The following TSHZ1 variants were observed in gnomAD, a reference collection of about 807,000 sequenced individuals.
TSHZ1 encodes teashirt zinc finger homeobox 1, also known as teashirt homolog 1.
TSHZ1 carries 12 observed loss-of-function variants against 67.1 expected under a neutral mutation model. The ratio of observed to expected loss-of-function variants is 0.18; its 90% CI spans 0.11 to 0.29. The LOEUF (loss-of-function observed/expected upper bound fraction) is 0.29, where lower values mean the gene tolerates loss of function less well. Among genes scored for constraint, TSHZ1 ranks in the 10% least tolerant of loss-of-function variants. The pLI is 1.00. For missense variants in TSHZ1, 1,305 were observed against 1,413.9 expected, an observed-to-expected ratio of 0.92 and a Z score of 1.23; for synonymous variants, 632 against 622.4, an observed-to-expected ratio of 1.02 and a Z score of -0.23.
At chr18:75,279,942 G>T (rs1281941998) in intron 1 of TSHZ1, among the ~76,000 whole-genome samples, 1 of 152,090 alleles carries the variant, frequency 6.6e-6, no homozygotes, top group African/African-American at 2.4e-5. Context: ...TGAAAATATT[G>T]AAGATTTCAA....
Position 75,287,270 on chromosome 18 carries a change from G to C in TSHZ1, c.1863G>C (p.Leu621=), listed in dbSNP as rs780496547. 1 of 1,613,980 alleles carries C rather than the reference G, an allele frequency of 6.2e-7. No individual in the cohort carries two copies. The highest frequency in any genetic ancestry group is 2.2e-5 in the East Asian group (1 of 44,830). The change falls in exon 2 of 2, where the codon CTG becomes CTC. Residue 621 remains leucine (L), a synonymous_variant. Transcript: ENST00000580243. The surrounding 1 kb of genome is among the most constrained non-coding windows in gnomAD (Gnocchi z 5.0). The stretch of plus-strand genomic sequence containing the variant: ...CTTCCGCCGAGCACAACGCCCTCCT[G>C]CACTCCCCAGGGAGCCTCACGCCCC... The part of the protein sequence containing the change: ...SLSSAEHNAL[L]HSPGSLTPPP...
At chr18:75,225,859 G>A (rs954193606) in intron 1 of TSHZ1, among the ~76,000 whole-genome samples, 1 of 152,114 alleles carries the variant, frequency 6.6e-6, no homozygotes, top group African/African-American at 2.4e-5. Flanking sequence ...GCTTAGAACG[G>A]AGCCAAAAGA....
chr18:75,271,606 G>A (rs2023558128), intron 1 of TSHZ1, among the ~76,000 whole-genome samples: 1 of 152,134 alleles, frequency 6.6e-6, no homozygotes, highest in Non-Finnish European at 1.5e-5. Context: ...TATCTGAAGT[G>A]ACAGCCATCT....
chr18:75,273,063 G>A (rs1460305070), intron 1 of TSHZ1, among the ~76,000 whole-genome samples: 4 of 152,154 alleles, frequency 2.6e-5, no homozygotes, highest in African/African-American at 4.8e-5. Flanking sequence ...GTGCGTGTGG[G>A]TATTTGGGGT....
intron 1 of TSHZ1, among the ~76,000 whole-genome samples, chr18:75,269,425 G>C (rs1410859454): frequency 1.3e-5 from 2 of 151,982 alleles, no homozygotes; most frequent in Non-Finnish European, 2.9e-5. Flanking sequence ...TACCTCCCCT[G>C]TGCTATGATT....
At chr18:75,243,200 G>A (rs9949030) in intron 1 of TSHZ1, among the ~76,000 whole-genome samples, 1 of 152,190 alleles carries the variant, frequency 6.6e-6, no homozygotes, top group South Asian at 2.1e-4. Flanking sequence ...TTAACTCTTC[G>A]TGGACTTTTG....
At position 75,211,629 on chromosome 18, in the gene TSHZ1, C is replaced by T. The variant is rs1172050962; in HGVS notation, c.-248C>T. On this transcript the variant is annotated 5_prime_UTR_variant, in exon 1 of 2. Coordinates refer to ENST00000580243, the MANE Select transcript of TSHZ1 (RefSeq NM_001308210.2). ...GGGCTCGGCGCCCAGGCCCCGCGCG[C>T]TCCGCCCGCAGCCCGGCGCCGGGAA... 1 of 67,334 alleles carries T rather than the reference C, an allele frequency of 1.5e-5. No individual in the cohort carries two copies. Among genetic ancestry groups the T allele is most frequent in the African/African-American group, 6.2e-5 (1 of 16,196 alleles). The allele number at this position is 67,334 out of a possible 1,614,324, so 4.2% of individuals were successfully genotyped here. A position where few individuals can be genotyped will look rare whatever the true frequency, so the allele number is the denominator to read the frequency against.
In TSHZ1 at chr18:75,288,452, G is replaced by GA; in HGVS notation, c.3048dup (p.Val1017SerfsTer24). On this transcript the variant is annotated frameshift_variant, in exon 2 of 2. Coordinates refer to ENST00000580243, the MANE Select transcript of TSHZ1 (RefSeq NM_001308210.2). LOFTEE classifies it high-confidence loss of function. This position sits in a 1 kb window ranked among gnomAD's most constrained non-coding sequence, Gnocchi z 4.9. ...AGATTCAAGAACAGCAGAATGTTTC[G>GA]AAAGTCCTCACCAACAAAACTCTGG... 6.2e-7 allele frequency: 1 copy of GA among 1,614,134 alleles called. No individual in the cohort carries two copies. Among genetic ancestry groups the GA allele is most frequent in the Non-Finnish European group, 8.5e-7 (1 of 1,180,024 alleles).
intron 1 of TSHZ1, among the ~76,000 whole-genome samples, chr18:75,250,289 C>T (rs1368834602): frequency 1.3e-5 from 2 of 152,208 alleles, no homozygotes; most frequent in African/African-American, 4.8e-5. Context: ...GGTACTCTCC[C>T]AGCCTCCACG....
chr18:75,267,343 C>T, intron 1 of TSHZ1, among the ~76,000 whole-genome samples: 1 of 152,146 alleles, frequency 6.6e-6, no homozygotes. Context: ...CACCCATAGA[C>T]CGTGGAGTCA....
In TSHZ1 at chr18:75,211,882, G is replaced by A; in HGVS notation, c.6G>A (p.Pro2=). 1 of 1,193,578 alleles carries A rather than the reference G, an allele frequency of 8.4e-7. No individual in the cohort carries two copies. The highest frequency in any genetic ancestry group is 1.0e-6 in the Non-Finnish European group (1 of 963,370). The allele number at this position is 1,193,578 out of a possible 1,614,324, so 73.9% of individuals were successfully genotyped here. ...GGCTGCGGCGGCCGAGCAGCATGCCGAGGAGGAAGCAGCAGGCCCCCCGGC... is the reference window on the plus strand; with the variant it reads ...GGCTGCGGCGGCCGAGCAGCATGCCAAGGAGGAAGCAGCAGGCCCCCCGGC... The part of the protein sequence containing the change: M[P]RRKQQAPRRS... The change falls in exon 1 of 2, where the codon CCG becomes CCA. Residue 2 remains proline, a synonymous_variant. Transcript: ENST00000580243.
At chr18:75,222,779 C>T (rs999066383) in intron 1 of TSHZ1, among the ~76,000 whole-genome samples, 20 of 152,144 alleles carry the variant, frequency 1.3e-4, no homozygotes, top group Admixed American at 5.9e-4. Flanking sequence ...TGCCCGTGTA[C>T]GTGGTAACCT....
chr18:75,232,329 C>G (rs1276806268), intron 1 of TSHZ1, among the ~76,000 whole-genome samples: 1 of 152,112 alleles, frequency 6.6e-6, no homozygotes, highest in Admixed American at 6.5e-5. Flanking sequence ...ACCAATAAAG[C>G]CAAATTTTAG....
intron 1 of TSHZ1, among the ~76,000 whole-genome samples, chr18:75,232,115 G>A (rs1279914497): frequency 6.6e-6 from 1 of 150,856 alleles, no homozygotes; most frequent in African/African-American, 2.4e-5. Context: ...GTTTCTCCAT[G>A]TTTGTCAGGC....
chr18:75,214,513 CCTGA>C (rs2122509200), intron 1 of TSHZ1, among the ~76,000 whole-genome samples: 1 of 152,280 alleles, frequency 6.6e-6, no homozygotes, highest in East Asian at 1.9e-4. Context: ...ATTATAACAT[CCTGA>C]CTGTTTTTTT....
At chr18:75,277,516 G>A (rs993570057) in intron 1 of TSHZ1, among the ~76,000 whole-genome samples, 3 of 152,162 alleles carry the variant, frequency 2.0e-5, no homozygotes, top group African/African-American at 7.2e-5. Context: ...CTGGGCTTGG[G>A]AGGTGGGAGA....
chr18:75,277,660 G>C (rs2023631344), intron 1 of TSHZ1, among the ~76,000 whole-genome samples: 3 of 152,076 alleles, frequency 2.0e-5, no homozygotes, highest in Admixed American at 2.0e-4. Flanking sequence ...AAAAATAAGG[G>C]CACTCATGCT....
At chr18:75,277,401 G>A (rs529588017) in intron 1 of TSHZ1, among the ~76,000 whole-genome samples, 3 of 152,314 alleles carry the variant, frequency 2.0e-5, no homozygotes, top group Admixed American at 2.0e-4. Context: ...GGAGGAGGAG[G>A]AGGAGGAGCA....
intron 1 of TSHZ1, among the ~76,000 whole-genome samples, chr18:75,234,697 G>A (rs545717897): frequency 3.7e-4 from 56 of 152,224 alleles, no homozygotes; most frequent in African/African-American, 1.3e-3. Flanking sequence ...AAAAAATGCT[G>A]TGAGGTTGTG....
Sources: gnomAD v4.1 joint callset for allele counts (sites outside exome capture counted in the v4.1 genomes callset) on GRCh38, gnomAD v4.1.1 for gene constraint, Gnocchi (gnomAD v3.1) non-coding constraint, MANE v1.5 for transcripts, NCBI Gene and HGNC (gene_info 2026-07-23, HGNC 2026-07-21) for gene names.